The following PAK1 variants were observed in gnomAD, a reference collection of about 807,000 sequenced individuals.
PAK1 encodes serine/threonine-protein kinase PAK 1.
Under a neutral mutation model 67.4 loss-of-function variants are expected in PAK1, and 29 were observed. That is an observed-to-expected ratio of 0.43 (90% CI 0.32 to 0.59). PAK1 has a LOEUF of 0.59. PAK1 is among the 20% of genes least tolerant of loss of function. PAK1 has a pLI of 0.07. For synonymous variants in PAK1, 223 were observed against 237.4 expected, an observed-to-expected ratio of 0.94 and a Z score of 0.56; for missense variants, 337 against 670.7, an observed-to-expected ratio of 0.50 and a Z score of 5.50.
intron 1 of PAK1, among the ~76,000 whole-genome samples, chr11:77,420,081 G>C (rs768198089): frequency 1.1e-4 from 17 of 152,208 alleles, no homozygotes; most frequent in Non-Finnish European, 2.2e-4. Flanking sequence ...AAGAAGTGCA[G>C]AGAAGGGAGA....
At chr11:77,377,819 T>A (rs1949298483) in intron 4 of PAK1, among the ~76,000 whole-genome samples, 2 of 152,184 alleles carry the variant, frequency 1.3e-5, no homozygotes, top group South Asian at 4.1e-4. Context: ...AAACACAAAC[T>A]CTAATTTCCT....
At chr11:77,325,423 G>A in intron 14 of PAK1, 1 of 1,599,496 alleles carries the variant, frequency 6.3e-7, no homozygotes, top group Non-Finnish European at 8.5e-7. Context: ...TTGTTGTAAA[G>A]GACAATATAT....
chr11:77,405,686 C>G (rs1206571134), intron 1 of PAK1, among the ~76,000 whole-genome samples: 5 of 150,304 alleles, frequency 3.3e-5, no homozygotes, highest in African/African-American at 1.2e-4. Context: ...CACACACACA[C>G]ACACACACAC....
Position 77,358,325 on chromosome 11 carries a change from G to A in PAK1, c.597+573C>T, listed in dbSNP as rs1182240948. Among the ~76,000 whole-genome samples, 6 of 145,332 alleles carry A rather than the reference G, an allele frequency of 4.1e-5. No homozygotes were observed. The South Asian group carries it at 7.2e-4, about 18-fold the overall frequency. On this transcript the variant is annotated intron_variant, in intron 6 of 14. Coordinates refer to ENST00000356341, the MANE Select transcript of PAK1 (RefSeq NM_002576.5). ...ACAGGGACTAGATGTTTCAAAGCAA[G>A]GTTAGAGGGACCATGGCTATTCTCA...
chr11:77,503,603 C>T, the PAK1 span, among the ~76,000 whole-genome samples: 1 of 152,192 alleles, frequency 6.6e-6, no homozygotes, highest in Non-Finnish European at 1.5e-5. Context: ...TAGCTCATGC[C>T]TGTAATTCCA....
chr11:77,337,731 A>G (rs1942945194), intron 11 of PAK1, among the ~76,000 whole-genome samples: 1 of 152,198 alleles, frequency 6.6e-6, no homozygotes, highest in African/African-American at 2.4e-5. Flanking sequence ...AAGGCCCAAG[A>G]GAAATTACTG....
the PAK1 span, among the ~76,000 whole-genome samples, chr11:77,484,450 G>C: frequency 6.6e-6 from 1 of 152,212 alleles, no homozygotes; most frequent in Non-Finnish European, 1.5e-5. Context: ...GCTCGTTTTA[G>C]TGTACCCTCT....
intron 11 of PAK1, among the ~76,000 whole-genome samples, 194 bp from the exon 12 acceptor site, chr11:77,337,617 T>G (rs902538325): frequency 1.3e-5 from 2 of 152,202 alleles, no homozygotes; most frequent in Admixed American, 6.5e-5. Flanking sequence ...AGCTAAACAT[T>G]CTTTTAACAC....
intron 1 of PAK1, among the ~76,000 whole-genome samples, chr11:77,430,866 C>T (rs1017029033): frequency 1.1e-4 from 16 of 152,166 alleles, no homozygotes; most frequent in African/African-American, 3.9e-4. Context: ...AAGACCAGTA[C>T]CATGGCCTGT....
chr11:77,506,056 G>C, the PAK1 span, among the ~76,000 whole-genome samples: 2 of 152,182 alleles, frequency 1.3e-5, no homozygotes, highest in Non-Finnish European at 2.9e-5. Flanking sequence ...CTCCCAGTCA[G>C]GTTTGGATGG....
chr11:77,461,944 A>G (rs1305949898), intron 1 of PAK1, among the ~76,000 whole-genome samples: 1 of 152,206 alleles, frequency 6.6e-6, no homozygotes, highest in Non-Finnish European at 1.5e-5. Flanking sequence ...GTCCAATGCC[A>G]TTTTTCAGTA....
intron 2 of PAK1, among the ~76,000 whole-genome samples, chr11:77,381,957 G>GT (rs1949897993): frequency 6.6e-6 from 1 of 152,202 alleles, no homozygotes; most frequent in Non-Finnish European, 1.5e-5. Flanking sequence ...CCTTTATGAC[G>GT]TAAGTCCATC....
At chr11:77,405,674 GACACACACACACACAC>G (rs1555167119) in intron 1 of PAK1, among the ~76,000 whole-genome samples, 67 of 125,998 alleles carry the variant, frequency 5.3e-4, no homozygotes, top group African/African-American at 1.8e-3. Flanking sequence ...CAGACAGACA[GACACACACACACACAC>G]ACACACACAC....
the PAK1 span, among the ~76,000 whole-genome samples, chr11:77,485,545 A>G: frequency 6.6e-6 from 1 of 152,146 alleles, no homozygotes; most frequent in Non-Finnish European, 1.5e-5. Context: ...GCGCAATCTC[A>G]GCTCACTGCA....
chr11:77,475,377 G>C (rs1451270325), upstream of PAK1: 1 of 152,124 alleles, frequency 6.6e-6, no homozygotes, highest in Non-Finnish European at 1.5e-5. Context: ...TTTCTCACTA[G>C]TTACCTGAGT....
Position 77,349,259 on chromosome 11 carries a change from C to G in PAK1, c.865G>C (p.Asp289His). Residue 289 changes from aspartate (D) to histidine (H), a missense_variant, in exon 9 of 15, where the codon GAT becomes CAT. Physicochemically the swap from Asp to His is moderately conservative, Grantham distance 81. Transcript: ENST00000356341. The part of the protein sequence containing the change: ...GASGTVYTAM[D>H]VATGQEVAIK... ...CTCACCTCCTGTCCTGTGGCCACAT[C>G]CATTGCTGTGTACACGGTGCCTGAA... 1.9e-6 allele frequency: 3 copies of G among 1,600,708 alleles called. No homozygotes were observed. Among genetic ancestry groups the G allele is most frequent in the Non-Finnish European group, 1.7e-6 (2 of 1,172,972 alleles).
At chr11:77,495,653 G>C in the PAK1 span, among the ~76,000 whole-genome samples, 1 of 152,176 alleles carries the variant, frequency 6.6e-6, no homozygotes, top group African/African-American at 2.4e-5. Context: ...ATCCATGAAA[G>C]GATGGATGAA....
At chr11:77,344,007 A>T (rs1944030493) in intron 9 of PAK1, 76 bp from the exon 10 acceptor site, 1 of 913,886 alleles carries the variant, frequency 1.1e-6, no homozygotes, top group East Asian at 2.4e-5. Flanking sequence ...ACCAGACCTT[A>T]AGTACTCAGG....
At chr11:77,461,813 T>C (rs532938485) in intron 1 of PAK1, among the ~76,000 whole-genome samples, 1 of 152,334 alleles carries the variant, frequency 6.6e-6, no homozygotes, top group Admixed American at 6.5e-5. Flanking sequence ...ATTAGAATAG[T>C]GTGGCACTTT....
Sources: gnomAD v4.1 joint callset for allele counts (sites outside exome capture counted in the v4.1 genomes callset) on GRCh38, gnomAD v4.1.1 for gene constraint, MANE v1.5 for transcripts, NCBI Gene and HGNC (gene_info 2026-07-23, HGNC 2026-07-21) for gene names.